ERC2: variants seen among roughly 807,000 people sequenced by gnomAD.
The protein encoded by ERC2 is ELKS/RAB6-interacting/CAST family member 2.
ERC2 carries 42 observed loss-of-function variants against 114.8 expected under a neutral mutation model. The ratio of observed to expected loss-of-function variants is 0.37; its 90% confidence interval spans 0.29 to 0.47. ERC2 has a LOEUF of 0.47. Among genes scored for constraint, ERC2 ranks in the 20% least tolerant of loss-of-function variants. ERC2 has a pLI of 0.99. For missense variants in ERC2, 939 were observed against 1,150.7 expected (o/e 0.82, Z 2.66); for synonymous variants, 454 against 425.5 (o/e 1.07, Z -0.82).
intron 13 of ERC2, among the ~76,000 whole-genome samples, chr3:55,911,899 G>A (rs1231342731): frequency 6.6e-6 from 1 of 152,182 alleles, no homozygotes; most frequent in Non-Finnish European, 1.5e-5. Context: ...AAAGGTCAAA[G>A]GAGCAATTTG....
intron 15 of ERC2, among the ~76,000 whole-genome samples, chr3:55,711,580 A>G (rs912939228): frequency 6.6e-6 from 1 of 152,194 alleles, no homozygotes; most frequent in African/African-American, 2.4e-5. Flanking sequence ...ATGTGTTCAA[A>G]TAGAGACTCC....
chr3:55,853,953 C>A (rs2061678477), intron 14 of ERC2, among the ~76,000 whole-genome samples: 1 of 152,126 alleles, frequency 6.6e-6, no homozygotes. Flanking sequence ...CTAAATTAGA[C>A]CAAATTATCA....
At chr3:56,061,804 T>C (rs4974162) in intron 7 of ERC2, among the ~76,000 whole-genome samples, 37,188 of 152,156 alleles carry the variant, frequency 0.24, 5,332 homozygotes, top group Admixed American at 0.32. Context: ...AAGAAATACA[T>C]AAATTACCTT....
At chr3:56,093,178 C>T (rs2149789156) in intron 6 of ERC2, among the ~76,000 whole-genome samples, 1 of 152,250 alleles carries the variant, frequency 6.6e-6, no homozygotes, top group East Asian at 1.9e-4. Flanking sequence ...CAGAAGTTTG[C>T]TATAAGAGCG....
intron 14 of ERC2, among the ~76,000 whole-genome samples, chr3:55,864,855 T>C (rs182173890): frequency 9.9e-5 from 15 of 152,170 alleles, no homozygotes; most frequent in African/African-American, 3.6e-4. Context: ...ATTATAACCA[T>C]CATCACAACC....
In ERC2 at chr3:55,895,338, A is replaced by T. The variant is rs12631869; in HGVS notation, c.2404-6789T>A. ...AAAGATCCAGGTGATTCCAAAATGC[A>T]GCCAAGTCTTGGAACCCTAGACGTT... On this transcript the variant is annotated intron_variant, in intron 13 of 17. Transcript: ENST00000288221. 2.5e-3 allele frequency among the ~76,000 whole-genome samples: 380 copies of T among 152,314 alleles called. 7 individuals are homozygous for T. Among genetic ancestry groups the T allele is most frequent in the East Asian group, 0.014 (73 of 5,178 alleles).
chr3:56,002,703 C>T (rs758607889), intron 10 of ERC2, among the ~76,000 whole-genome samples: 5 of 152,120 alleles, frequency 3.3e-5, no homozygotes, highest in African/African-American at 4.8e-5. Flanking sequence ...CCTGTTTTAA[C>T]TTCTGTCACT....
At chr3:56,288,994 G>A (rs1030306215) in intron 3 of ERC2, among the ~76,000 whole-genome samples, 1 of 152,070 alleles carries the variant, frequency 6.6e-6, no homozygotes, top group Non-Finnish European at 1.5e-5. Context: ...AGATGTGTGT[G>A]AAAAAAATAA....
chr3:56,439,711 T>C (rs576592756), intron 1 of ERC2, among the ~76,000 whole-genome samples: 2 of 152,258 alleles, frequency 1.3e-5, no homozygotes, highest in South Asian at 4.1e-4. Context: ...TTCATTGATA[T>C]CTCTTTATCT....
intron 8 of ERC2, 126 bp from the exon 9 acceptor site, chr3:56,010,715 A>G (rs1178056877): frequency 1.8e-6 from 2 of 1,129,620 alleles, no homozygotes; most frequent in Non-Finnish European, 2.5e-6. Context: ...ACACACAAGA[A>G]AATCAAAATT....
intron 16 of ERC2, among the ~76,000 whole-genome samples, chr3:55,684,643 T>C (rs1300352943): frequency 6.6e-6 from 1 of 152,240 alleles, no homozygotes. Context: ...ACTTCTTTGG[T>C]TGGAATTCTT....
intron 14 of ERC2, among the ~76,000 whole-genome samples, chr3:55,763,263 A>G (rs1575524876): frequency 6.6e-6 from 1 of 152,234 alleles, no homozygotes; most frequent in East Asian, 1.9e-4. Context: ...GAGACATGAA[A>G]GCGTTTAAAC....
intron 1 of ERC2, among the ~76,000 whole-genome samples, chr3:56,463,840 C>A (rs1421928267): frequency 1.3e-5 from 2 of 152,206 alleles, no homozygotes; most frequent in Admixed American, 1.3e-4. Context: ...TCCTTCCTTA[C>A]ACCTATTCCT....
At chr3:55,583,381 T>TCC (rs1368783110) in intron 17 of ERC2, among the ~76,000 whole-genome samples, 1 of 129,418 alleles carries the variant, frequency 7.7e-6, no homozygotes, top group Non-Finnish European at 1.6e-5. Context: ...CTTCTTTCCT[T>TCC]CTTTCTTTCC....
At chr3:55,715,158 A>G (rs1441321228) in intron 15 of ERC2, among the ~76,000 whole-genome samples, 1 of 152,168 alleles carries the variant, frequency 6.6e-6, no homozygotes, top group Admixed American at 6.6e-5. Context: ...CTGCAATGAC[A>G]GGCATGGTTG....
chr3:55,930,964 A>G (rs1385858859), intron 13 of ERC2, among the ~76,000 whole-genome samples: 2 of 152,226 alleles, frequency 1.3e-5, no homozygotes. Flanking sequence ...CACTTCTCAA[A>G]AGAAGACATT....
chr3:55,601,680 C>A (rs1397676645), intron 17 of ERC2, among the ~76,000 whole-genome samples: 1 of 152,090 alleles, frequency 6.6e-6, no homozygotes, highest in African/African-American at 2.4e-5. Flanking sequence ...GATAAAGAGC[C>A]GGGGAGCCGG....
At chr3:55,703,351 G>T (rs534677020) in intron 15 of ERC2, among the ~76,000 whole-genome samples, 1 of 152,224 alleles carries the variant, frequency 6.6e-6, no homozygotes, top group South Asian at 2.1e-4. Flanking sequence ...TCTCTCTCTC[G>T]GTCCTGCTCT....
At chr3:56,021,464 G>C (rs557945122) in intron 7 of ERC2, among the ~76,000 whole-genome samples, 27 of 152,044 alleles carry the variant, frequency 1.8e-4, no homozygotes, top group Non-Finnish European at 3.5e-4. Flanking sequence ...ATACACATGA[G>C]TAAATAATAA....
Sources: gnomAD v4.1 joint callset for allele counts (sites outside exome capture counted in the v4.1 genomes callset) on GRCh38, gnomAD v4.1.1 for gene constraint, MANE v1.5 for transcripts, NCBI Gene and HGNC (gene_info 2026-07-23, HGNC 2026-07-21) for gene names.